RASAL2: variants seen among roughly 807,000 people sequenced by gnomAD.
RASAL2 encodes the protein RAS protein activator like 2, also known as ras GTPase-activating protein nGAP.
RASAL2 carries 58 observed loss-of-function variants against 128.9 expected under a neutral mutation model. That is an observed-to-expected ratio of 0.45 (90% CI 0.36 to 0.56). RASAL2 has a LOEUF of 0.56. Among genes scored for constraint, RASAL2 ranks in the 20% least tolerant of loss-of-function variants. The pLI is 0.00. For synonymous variants in RASAL2, 561 were observed against 580.8 expected (o/e 0.97, Z 0.49); for missense variants, 1,360 against 1,601.6 (o/e 0.85, Z 2.57).
intron 1 of RASAL2, among the ~76,000 whole-genome samples, chr1:178,246,536 C>T (rs1664773303): frequency 1.3e-5 from 2 of 152,082 alleles, no homozygotes; most frequent in South Asian, 4.1e-4. Context: ...GACTTCCTCT[C>T]TTCCTATTTG....
intron 1 of RASAL2, among the ~76,000 whole-genome samples, chr1:178,246,283 A>G (rs551897476): frequency 2.0e-5 from 3 of 152,224 alleles, no homozygotes; most frequent in South Asian, 4.1e-4. Flanking sequence ...GGTCCTTCAC[A>G]TCCCTTGTAA....
chr1:178,103,499 G>A (rs1658980208), intron 1 of RASAL2, among the ~76,000 whole-genome samples: 1 of 152,056 alleles, frequency 6.6e-6, no homozygotes, highest in South Asian at 2.1e-4. Flanking sequence ...GAGAGTGCCT[G>A]TCTCCCCACA....
At chr1:178,109,594 C>A (rs1659221953) in intron 1 of RASAL2, among the ~76,000 whole-genome samples, 1 of 152,146 alleles carries the variant, frequency 6.6e-6, no homozygotes, top group Non-Finnish European at 1.5e-5. Context: ...AACTGTGAAT[C>A]AGTTTTGAAA....
chr1:178,191,295 C>T (rs1393695960), intron 1 of RASAL2, among the ~76,000 whole-genome samples: 2 of 151,348 alleles, frequency 1.3e-5, no homozygotes, highest in Non-Finnish European at 2.9e-5. Flanking sequence ...TAAAAAATTT[C>T]AGTATGTTGT....
chr1:178,350,154 T>C (rs746762563), intron 3 of RASAL2, among the ~76,000 whole-genome samples: 14 of 152,368 alleles, frequency 9.2e-5, no homozygotes, highest in Middle Eastern at 3.4e-3. Flanking sequence ...TTTGTTGCTG[T>C]GTAAAAAGTT....
rs184608013 is a variant in RASAL2, at chr1:178,385,492, C to A, written c.458-4608C>A. On this transcript the variant is annotated intron_variant, in intron 3 of 17. Coordinates refer to ENST00000367649, the MANE Select transcript of RASAL2 (RefSeq NM_170692.4). ...AGTGTATATCTATGGACTTTCAATA[C>A]GATTTGTACCTTTTGGTGACGCATG... 2.1e-3 allele frequency among the ~76,000 whole-genome samples: 312 copies of A among 151,740 alleles called. 3 individuals carry two copies. The highest frequency in any genetic ancestry group is 3.6e-3 in the Non-Finnish European group (245 of 67,940).
chr1:178,101,103 G>A (rs1658880710), intron 1 of RASAL2, among the ~76,000 whole-genome samples: 1 of 152,080 alleles, frequency 6.6e-6, no homozygotes, highest in African/African-American at 2.4e-5. Flanking sequence ...TATAGTGAGA[G>A]GGCAGCCCAT....
At chr1:178,462,674 T>A (rs1647239604) in intron 14 of RASAL2, among the ~76,000 whole-genome samples, 1 of 152,156 alleles carries the variant, frequency 6.6e-6, no homozygotes, top group Non-Finnish European at 1.5e-5. Flanking sequence ...TTTGTCACTT[T>A]TATTTTTATT....
chr1:178,260,072 G>T (rs1461325500), intron 1 of RASAL2, among the ~76,000 whole-genome samples: 6 of 151,710 alleles, frequency 4.0e-5, no homozygotes, highest in Non-Finnish European at 1.5e-5. Flanking sequence ...TATATTTGAG[G>T]CCAGGCGCGT....
intron 1 of RASAL2, among the ~76,000 whole-genome samples, chr1:178,217,753 C>T (rs1397622263): frequency 1.3e-5 from 2 of 152,196 alleles, no homozygotes; most frequent in African/African-American, 4.8e-5. Flanking sequence ...ATACTGATGA[C>T]TGCTAGCTGC....
chr1:178,368,831 T>A (rs557713014), intron 3 of RASAL2, among the ~76,000 whole-genome samples: 1 of 152,052 alleles, frequency 6.6e-6, no homozygotes, highest in South Asian at 2.1e-4. Context: ...AGAAGTGGGG[T>A]CTCACTATGT....
chr1:178,446,812 T>C (rs1677031789), intron 9 of RASAL2, among the ~76,000 whole-genome samples: 1 of 152,222 alleles, frequency 6.6e-6, no homozygotes, highest in African/African-American at 2.4e-5. Context: ...TGTCAAACTT[T>C]CTGTGTGAAA....
At chr1:178,409,905 A>C (rs12161419) in intron 4 of RASAL2, among the ~76,000 whole-genome samples, 15,631 of 152,232 alleles carry the variant, frequency 0.1, 859 homozygotes, top group Middle Eastern at 0.14. Context: ...AAGCTTGAAA[A>C]CAGTGAATTT....
intron 1 of RASAL2, among the ~76,000 whole-genome samples, chr1:178,197,329 G>A (rs544207766): frequency 5.3e-5 from 8 of 152,240 alleles, no homozygotes; most frequent in African/African-American, 7.2e-5. Flanking sequence ...GGTGGCTCAC[G>A]TCTGTAATCC....
chr1:178,337,313 G>A, intron 3 of RASAL2, among the ~76,000 whole-genome samples: 1 of 152,198 alleles, frequency 6.6e-6, no homozygotes, highest in Non-Finnish European at 1.5e-5. Context: ...ATGTGTATCT[G>A]TGTATTGTGC....
At chr1:178,244,617 G>C (rs1558137613) in intron 1 of RASAL2, among the ~76,000 whole-genome samples, 1 of 152,186 alleles carries the variant, frequency 6.6e-6, no homozygotes, top group Non-Finnish European at 1.5e-5. Flanking sequence ...GTGCAGGTTT[G>C]TTACATAGGT....
chr1:178,404,174 C>T (rs1396714541), intron 4 of RASAL2, among the ~76,000 whole-genome samples: 15 of 145,792 alleles, frequency 1.0e-4, no homozygotes, highest in Admixed American at 2.8e-4. Flanking sequence ...TGCAGTGAGC[C>T]GAGATCACGC....
At chr1:178,347,338 C>T (rs1388708504) in intron 3 of RASAL2, among the ~76,000 whole-genome samples, 2 of 152,142 alleles carry the variant, frequency 1.3e-5, no homozygotes, top group African/African-American at 2.4e-5. Flanking sequence ...CCCTATCAGA[C>T]CTGTGTGACG....
At chr1:178,315,188 A>G (rs1032989693) in intron 3 of RASAL2, among the ~76,000 whole-genome samples, 6 of 145,484 alleles carry the variant, frequency 4.1e-5, no homozygotes, top group African/African-American at 1.6e-4. Context: ...CCAGTCTATC[A>G]TTGTTGGACA....
Sources: allele counts gnomAD v4.1 joint callset (sites outside exome capture counted in the v4.1 genomes callset), GRCh38; gene constraint gnomAD v4.1.1; transcripts MANE v1.5; gene names NCBI Gene and HGNC (gene_info 2026-07-23, HGNC 2026-07-21).